SPATS2: variants seen among roughly 807,000 people sequenced by gnomAD.
The protein encoded by SPATS2 is spermatogenesis-associated serine-rich protein 2.
SPATS2 carries 38 observed loss-of-function variants against 63.7 expected under a neutral mutation model. That is an observed-to-expected ratio of 0.60 (90% CI 0.46 to 0.78). SPATS2 has a LOEUF of 0.78. SPATS2 is among the 30% of genes least tolerant of loss of function. SPATS2 has a pLI of 0.00. For synonymous variants in SPATS2, 207 were observed against 232.9 expected, an observed-to-expected ratio of 0.89 and a Z score of 1.01; for missense variants, 588 against 666.2, an observed-to-expected ratio of 0.88 and a Z score of 1.29.
At chr12:49,524,212 T>C (rs555866459) in intron 12 of SPATS2, among the ~76,000 whole-genome samples, 3 of 152,384 alleles carry the variant, frequency 2.0e-5, no homozygotes, top group African/African-American at 7.2e-5. Context: ...TGATTATTTA[T>C]ACCTTGTATC....
rs567122925 is a variant in SPATS2, at chr12:49,374,726, C to T, written c.-244+3436C>T. Among the ~76,000 whole-genome samples the T allele has an allele frequency of 1.9e-3, 295 of 152,062 alleles. 1 individual carries two copies. Among genetic ancestry groups the T allele is most frequent in the African/African-American group, 6.7e-3 (280 of 41,492 alleles). On this transcript the variant is annotated intron_variant, in intron 2 of 13. Coordinates refer to ENST00000552918, the MANE Select transcript of SPATS2 (RefSeq NM_023071.4). ...CTGTAATCCCAGCACTTTGGGAGGC[C>T]GAGGCGGGCAGATCACTTGAGGTCA...
intron 10 of SPATS2, among the ~76,000 whole-genome samples, chr12:49,515,441 C>T (rs1946822730): frequency 6.6e-6 from 1 of 152,226 alleles, no homozygotes; most frequent in African/African-American, 2.4e-5. Context: ...GAGATCATGA[C>T]TCACAGTTAA....
chr12:49,446,695 C>T (rs961631207), intron 2 of SPATS2, among the ~76,000 whole-genome samples: 15 of 152,218 alleles, frequency 9.9e-5, no homozygotes, highest in African/African-American at 3.1e-4. Flanking sequence ...GAAATTTCTC[C>T]CGTCTTAAGG....
At chr12:49,429,811 C>T (rs1217557902) in intron 2 of SPATS2, among the ~76,000 whole-genome samples, 12 of 141,760 alleles carry the variant, frequency 8.5e-5, no homozygotes, top group African/African-American at 2.9e-4. Context: ...TTGAGAGTCT[C>T]ACTCTGTCAC....
chr12:49,414,728 G>C (rs1181600939), intron 2 of SPATS2, among the ~76,000 whole-genome samples: 4 of 151,712 alleles, frequency 2.6e-5, no homozygotes, highest in Admixed American at 2.6e-4. Flanking sequence ...TCAGCCTCCT[G>C]AGTAGCCAGG....
chr12:49,399,004 A>G (rs1413546364), intron 2 of SPATS2, among the ~76,000 whole-genome samples: 5 of 152,184 alleles, frequency 3.3e-5, no homozygotes, highest in African/African-American at 1.2e-4. Flanking sequence ...AAGCTGCCCT[A>G]GATTTTTCTT....
chr12:49,516,544 A>G (rs1245622682), intron 10 of SPATS2, among the ~76,000 whole-genome samples: 1 of 151,634 alleles, frequency 6.6e-6, no homozygotes, highest in Non-Finnish European at 1.5e-5. Context: ...TGTCTCTACT[A>G]AAAATACAAA....
intron 3 of SPATS2, among the ~76,000 whole-genome samples, chr12:49,465,366 C>CTT (rs61653533): frequency 6.0e-5 from 9 of 149,350 alleles, no homozygotes; most frequent in South Asian, 2.1e-4. Context: ...TATGGTCAGT[C>CTT]TTTTTTTTTT....
intron 2 of SPATS2, among the ~76,000 whole-genome samples, chr12:49,393,848 A>G (rs1042940089): frequency 1.3e-5 from 2 of 151,818 alleles, no homozygotes; most frequent in African/African-American, 4.8e-5. Context: ...TGCTATTTTT[A>G]TGTTTATTTT....
intron 9 of SPATS2, among the ~76,000 whole-genome samples, chr12:49,504,467 G>A (rs545492587): frequency 6.6e-6 from 1 of 152,230 alleles, no homozygotes; most frequent in Non-Finnish European, 1.5e-5. Flanking sequence ...GATATGGAGT[G>A]GAACATGAAG....
At chr12:49,512,939 AC>A (rs1194266460) in intron 9 of SPATS2, 37 of 1,283,866 alleles carry the variant, frequency 2.9e-5, no homozygotes, top group Non-Finnish European at 3.6e-5. Flanking sequence ...AAGTATTGCT[AC>A]CCCACAATAA....
chr12:49,503,228 T>A lies in SPATS2; in HGVS notation c.839+3023T>A, dbSNP rs956000414. ...AGCCGGGCGTGGTGGCGTGCACCTGTAATCCCAGCTACTAGGGAGGCTGAA... is the reference window on the plus strand; with the variant it reads ...AGCCGGGCGTGGTGGCGTGCACCTGAAATCCCAGCTACTAGGGAGGCTGAA... On this transcript the variant is annotated intron_variant, in intron 9 of 13. Coordinates refer to ENST00000552918, the MANE Select transcript of SPATS2 (RefSeq NM_023071.4). Among the ~76,000 whole-genome samples, 8 of 152,124 alleles carry A rather than the reference T, an allele frequency of 5.3e-5. No homozygotes were observed. The East Asian group carries it at 1.5e-3, about 29-fold the overall frequency.
At chr12:49,460,441 G>C (rs2137673927) in intron 2 of SPATS2, among the ~76,000 whole-genome samples, 1 of 151,918 alleles carries the variant, frequency 6.6e-6, no homozygotes, top group East Asian at 1.9e-4. Context: ...TGGTGACAGA[G>C]CAAGACTTCA....
chr12:49,435,022 CT>C (rs776284070), intron 2 of SPATS2, among the ~76,000 whole-genome samples: 184 of 114,068 alleles, frequency 1.6e-3, no homozygotes, highest in Middle Eastern at 9.7e-3. Context: ...AACTGAATGG[CT>C]TTTTTTTTTT....
intron 3 of SPATS2, among the ~76,000 whole-genome samples, chr12:49,478,721 T>C (rs1375357474): frequency 3.3e-5 from 5 of 152,202 alleles, no homozygotes; most frequent in Admixed American, 2.6e-4. Flanking sequence ...TATATTTAAC[T>C]GGATCTTACC....
chr12:49,370,330 A>G (rs1197110008), intron 1 of SPATS2, among the ~76,000 whole-genome samples: 1 of 152,218 alleles, frequency 6.6e-6, no homozygotes, highest in Non-Finnish European at 1.5e-5. Context: ...TCTTTCAGAT[A>G]TACCTGGCTT....
intron 2 of SPATS2, among the ~76,000 whole-genome samples, chr12:49,414,944 T>C (rs1944862078): frequency 1.3e-5 from 2 of 148,652 alleles, no homozygotes; most frequent in South Asian, 2.1e-4. Context: ...TCTTTTCTTT[T>C]TTTTTTTTTT....
intron 6 of SPATS2, chr12:49,491,095 GA>G (rs1946374866): frequency 6.1e-6 from 1 of 164,776 alleles, no homozygotes; most frequent in African/African-American, 2.4e-5. Context: ...AGTGAGCCGA[GA>G]TTGGGCCACT....
At chr12:49,524,106 A>G (rs929548461) in intron 12 of SPATS2, among the ~76,000 whole-genome samples, 6 of 152,210 alleles carry the variant, frequency 3.9e-5, no homozygotes, top group Non-Finnish European at 8.8e-5. Context: ...TTTCAGTTAG[A>G]TAGGTACTTT....
Sources: gnomAD v4.1 joint callset for allele counts (sites outside exome capture counted in the v4.1 genomes callset) on GRCh38, gnomAD v4.1.1 for gene constraint, MANE v1.5 for transcripts, NCBI Gene and HGNC (gene_info 2026-07-23, HGNC 2026-07-21) for gene names.